TRMT11: variants seen among roughly 807,000 people sequenced by gnomAD.
TRMT11 encodes tRNA (guanine(10)-N(2))-methyltransferase TRMT11.
In TRMT11, 53 loss-of-function variants were observed where a neutral mutation model predicts 62.8. That is an observed-to-expected ratio of 0.84 (90% CI 0.68 to 1.06). TRMT11 has a LOEUF of 1.06. Ranked by LOEUF, TRMT11 falls within the 50% of genes least tolerant of loss-of-function variation. The probability of loss-of-function intolerance (pLI) is 0.00; values close to 1 mark genes in which losing one functional copy is unlikely to be tolerated. For missense variants in TRMT11, 556 were observed against 553.4 expected, an observed-to-expected ratio of 1.00 and a Z score of -0.05; for synonymous variants, 188 against 190.3, an observed-to-expected ratio of 0.99 and a Z score of 0.10.
chr6:126,204,387 C>T (rs1177081929), downstream of TRMT11, among the ~76,000 whole-genome samples: 2 of 152,192 alleles, frequency 1.3e-5, no homozygotes, highest in African/African-American at 2.4e-5. Flanking sequence ...GGACCGGATT[C>T]TCTGCCGTTA....
At chr6:126,136,886 A>G (rs949258871) in intron 21 of TRMT11, among the ~76,000 whole-genome samples, 1 of 151,754 alleles carries the variant, frequency 6.6e-6, no homozygotes, top group African/African-American at 2.4e-5. Flanking sequence ...GCTGGGGGAA[A>G]AGGACAGTCT....
chr6:126,146,333 T>A (rs936018893), intron 21 of TRMT11, among the ~76,000 whole-genome samples: 1 of 152,180 alleles, frequency 6.6e-6, no homozygotes, highest in East Asian at 1.9e-4. Context: ...ATGAGACATG[T>A]TTTGTGTGAC....
chr6:126,256,945 G>T, the TRMT11 span, among the ~76,000 whole-genome samples: 1 of 152,052 alleles, frequency 6.6e-6, no homozygotes, highest in Non-Finnish European at 1.5e-5. Context: ...GAGTGTAATG[G>T]TGCAATCTCG....
intron 21 of TRMT11, among the ~76,000 whole-genome samples, chr6:126,125,581 C>G (rs1038969294): frequency 2.0e-5 from 3 of 152,070 alleles, no homozygotes; most frequent in Non-Finnish European, 2.9e-5. Context: ...ATAGTGCCAA[C>G]ATTAGTGAAA....
the TRMT11 span, among the ~76,000 whole-genome samples, chr6:126,230,198 G>A: frequency 6.6e-6 from 1 of 152,128 alleles, no homozygotes; most frequent in Non-Finnish European, 1.5e-5. Context: ...CTAACCACTT[G>A]CAAAAATCAA....
chr6:126,085,695 C>T (rs1443975041), intron 17 of TRMT11, among the ~76,000 whole-genome samples: 1 of 152,132 alleles, frequency 6.6e-6, no homozygotes, highest in Non-Finnish European at 1.5e-5. Flanking sequence ...CTTTTCTAGA[C>T]TCAGAGGTTA....
intron 17 of TRMT11, among the ~76,000 whole-genome samples, chr6:126,086,473 A>G (rs1777217948): frequency 6.6e-6 from 1 of 152,016 alleles, no homozygotes. Context: ...TGCCTCTCAA[A>G]TTCATCCCTT....
At chr6:126,205,699 T>A (rs894648151), downstream of TRMT11, among the ~76,000 whole-genome samples, 3 of 152,164 alleles carry the variant, frequency 2.0e-5, no homozygotes, top group Non-Finnish European at 4.4e-5. Flanking sequence ...AAAGTATTAA[T>A]TGAAGACTCT....
At chr6:126,238,317 A>C in the TRMT11 span, among the ~76,000 whole-genome samples, 4 of 152,074 alleles carry the variant, frequency 2.6e-5, no homozygotes, top group Admixed American at 2.0e-4. Context: ...TGTCAATTTT[A>C]GATCTTTCCT....
downstream of TRMT11, among the ~76,000 whole-genome samples, chr6:126,202,643 T>C (rs1359671702): frequency 6.6e-6 from 1 of 152,188 alleles, no homozygotes; most frequent in African/African-American, 2.4e-5. Flanking sequence ...TTTAATTCAA[T>C]GTTAACAGCT....
At chr6:126,100,624 G>A (rs988535336) in intron 17 of TRMT11, among the ~76,000 whole-genome samples, 2 of 152,188 alleles carry the variant, frequency 1.3e-5, no homozygotes, top group Non-Finnish European at 2.9e-5. Flanking sequence ...CCAATAAGCT[G>A]TGGCCAGGCT....
the TRMT11 span, among the ~76,000 whole-genome samples, chr6:126,261,223 G>A: frequency 6.6e-6 from 1 of 151,874 alleles, no homozygotes; most frequent in Non-Finnish European, 1.5e-5. Flanking sequence ...CTCAATTGTA[G>A]TTTTTATTTC....
intron 21 of TRMT11, among the ~76,000 whole-genome samples, chr6:126,158,094 T>A (rs1156702506): frequency 6.6e-6 from 1 of 152,216 alleles, no homozygotes; most frequent in Non-Finnish European, 1.5e-5. Flanking sequence ...TTATTACTAT[T>A]ATTTTTGATA....
intron 16 of TRMT11, among the ~76,000 whole-genome samples, chr6:126,044,415 T>A (rs1775985769): frequency 6.6e-6 from 1 of 152,218 alleles, no homozygotes; most frequent in African/African-American, 2.4e-5. Flanking sequence ...TCGATCTATA[T>A]CTCTGTTTTG....
chr6:126,197,646 C>T (rs1446918818), intron 1 of TRMT11, among the ~76,000 whole-genome samples: 1 of 152,152 alleles, frequency 6.6e-6, no homozygotes, highest in African/African-American at 2.4e-5. Flanking sequence ...CTGCATTGTA[C>T]AAAGCAGACT....
intron 12 of TRMT11, among the ~76,000 whole-genome samples, chr6:126,026,358 A>T (rs1773077101): frequency 6.6e-6 from 1 of 151,774 alleles, no homozygotes; most frequent in Non-Finnish European, 1.5e-5. Flanking sequence ...ATGTGCCAAG[A>T]TTAAAAGGTA....
the TRMT11 span, among the ~76,000 whole-genome samples, chr6:126,223,084 C>G: frequency 6.6e-6 from 1 of 152,142 alleles, no homozygotes; most frequent in South Asian, 2.1e-4. Flanking sequence ...CTTACGAAGC[C>G]TAGTTTGGCT....
chr6:126,052,952 G>A (rs1776260214), intron 16 of TRMT11, among the ~76,000 whole-genome samples: 1 of 152,208 alleles, frequency 6.6e-6, no homozygotes, highest in African/African-American at 2.4e-5. Context: ...CTGGTGCTGT[G>A]TGATGAATCA....
chr6:125,997,415 AG>A (rs1791697731), intron 3 of TRMT11, among the ~76,000 whole-genome samples: 1 of 152,276 alleles, frequency 6.6e-6, no homozygotes, highest in Admixed American at 6.5e-5. Flanking sequence ...TGCGACAAAA[AG>A]GTGAAAAATA....
Sources: allele counts gnomAD v4.1 joint callset (sites outside exome capture counted in the v4.1 genomes callset), GRCh38; gene constraint gnomAD v4.1.1; transcripts MANE v1.5; gene names NCBI Gene and HGNC (gene_info 2026-07-23, HGNC 2026-07-21).